ZNF33B: variants seen among roughly 807,000 people sequenced by gnomAD.
ZNF33B encodes the protein zinc finger protein 11b (KOX 2).
Under a neutral mutation model 45.8 loss-of-function variants are expected in ZNF33B, and 29 were observed. That is an observed-to-expected ratio of 0.63 (90% CI 0.47 to 0.86). ZNF33B has a LOEUF of 0.86. Among genes scored for constraint, ZNF33B ranks in the 40% least tolerant of loss-of-function variants. The probability of loss-of-function intolerance (pLI) is 0.00; values close to 1 mark genes in which losing one functional copy is unlikely to be tolerated. For synonymous variants in ZNF33B, 305 were observed against 307.8 expected, an observed-to-expected ratio of 0.99 and a Z score of 0.10; for missense variants, 831 against 909.9, an observed-to-expected ratio of 0.91 and a Z score of 1.12.
intron 2 of ZNF33B, among the ~76,000 whole-genome samples, chr10:42,635,209 C>T (rs1256589767): frequency 1.3e-5 from 2 of 150,132 alleles, no homozygotes; most frequent in African/African-American, 2.5e-5. Flanking sequence ...CCACTGCACT[C>T]TAGCCTGAGT....
intron 1 of ZNF33B, among the ~76,000 whole-genome samples, chr10:42,576,601 A>G (rs1049616931): frequency 3.3e-5 from 5 of 152,132 alleles, no homozygotes; most frequent in African/African-American, 1.2e-4. Flanking sequence ...AGCTTTTCAG[A>G]TGTTACTGTG....
At chr10:42,584,009 G>T (rs898361789) in intron 1 of ZNF33B, among the ~76,000 whole-genome samples, 2 of 152,174 alleles carry the variant, frequency 1.3e-5, no homozygotes, top group African/African-American at 4.8e-5. Context: ...TGCGCAAGCA[G>T]CTCTGCGCAC....
At position 42,593,326 on chromosome 10, in the gene ZNF33B, T is replaced by C. The variant is rs542254932; in HGVS notation, c.1624A>G (p.Ile542Val). The part of the protein sequence containing the change: ...KTFCLKSDLT[I>V]HQRTHTGEKP... ...TCCCCTGTGTGCGTTCTCTGATGTA[T>C]TGTGAGGTCTGACTTCAAGCAGAAG... The change falls in exon 5 of 5, where the codon ATA (isoleucine) becomes GTA (valine). Residue 542 changes from isoleucine (I) to valine (V), a missense_variant. Transcript: ENST00000359467. 3.4e-5 allele frequency: 55 copies of C among 1,613,456 alleles called. 1 individual carries two copies. The highest frequency in any genetic ancestry group is 2.1e-4 in the South Asian group (19 of 91,032).
intron 4 of ZNF33B, among the ~76,000 whole-genome samples, chr10:42,618,148 G>A (rs1378088889): frequency 6.6e-6 from 1 of 152,146 alleles, no homozygotes; most frequent in Non-Finnish European, 1.5e-5. Flanking sequence ...TAAACCAAGC[G>A]TAGGGGGCAG....
At chr10:42,580,223 C>A (rs1285083736) in intron 1 of ZNF33B, among the ~76,000 whole-genome samples, 2 of 151,998 alleles carry the variant, frequency 1.3e-5, no homozygotes, top group Admixed American at 1.3e-4. Context: ...CGTTTCTCAT[C>A]CCATGGTTTT....
chr10:42,631,178 T>C (rs1564527718), intron 4 of ZNF33B, among the ~76,000 whole-genome samples: 1 of 152,132 alleles, frequency 6.6e-6, no homozygotes, highest in Non-Finnish European at 1.5e-5. Flanking sequence ...ATAATATACT[T>C]AGAGACATAA....
chr10:42,631,744 G>A, intron 4 of ZNF33B, 185 bp downstream of exon 4: 2 of 571,616 alleles, frequency 3.5e-6, no homozygotes, highest in South Asian at 2.7e-5. Context: ...ATTCTAAAAG[G>A]AAAAATTTTT....
At chr10:42,581,825 A>C (rs1218898721) in intron 1 of ZNF33B, 5 of 152,340 alleles carry the variant, frequency 3.3e-5, no homozygotes, top group Admixed American at 1.3e-4. Context: ...GATTAAAAGC[A>C]CATTCCTGGC....
intron 4 of ZNF33B, among the ~76,000 whole-genome samples, chr10:42,598,342 C>T (rs1837484057): frequency 6.6e-6 from 1 of 152,242 alleles, no homozygotes; most frequent in Non-Finnish European, 1.5e-5. Context: ...CAGCCTCACG[C>T]TGTGGGTCCT....
intron 4 of ZNF33B, among the ~76,000 whole-genome samples, chr10:42,614,951 TC>T (rs2132107161): frequency 6.7e-6 from 1 of 149,538 alleles, no homozygotes; most frequent in East Asian, 2.0e-4. Flanking sequence ...AGATTCCATC[TC>T]AAAAAGAAAA....
downstream of ZNF33B, among the ~76,000 whole-genome samples, chr10:42,584,384 A>G (rs1221374555): frequency 6.6e-6 from 1 of 152,132 alleles, no homozygotes; most frequent in Admixed American, 6.5e-5. Context: ...CACCTTAGGC[A>G]ATGGTGGCCA....
intron 4 of ZNF33B, among the ~76,000 whole-genome samples, chr10:42,599,083 GTTCAT>G (rs1363481839): frequency 6.6e-6 from 1 of 152,098 alleles, no homozygotes; most frequent in Non-Finnish European, 1.5e-5. Context: ...GAATGAAACT[GTTCAT>G]TTCATCAAAA....
At chr10:42,621,462 A>G (rs1838586329) in intron 4 of ZNF33B, among the ~76,000 whole-genome samples, 1 of 152,180 alleles carries the variant, frequency 6.6e-6, no homozygotes, top group Admixed American at 6.5e-5. Flanking sequence ...TATTAAGAGG[A>G]GTATACACCA....
intron 4 of ZNF33B, among the ~76,000 whole-genome samples, chr10:42,613,356 T>G (rs1838179574): frequency 1.3e-5 from 2 of 152,046 alleles, no homozygotes; most frequent in Non-Finnish European, 2.9e-5. Flanking sequence ...GTGACCAGCC[T>G]GTACAACATG....
chr10:42,632,070 T>G, intron 3 of ZNF33B, 46 bp from the exon 4 acceptor site: 6 of 1,589,064 alleles, frequency 3.8e-6, no homozygotes, highest in Non-Finnish European at 5.2e-6. Flanking sequence ...CAGTCTAGAC[T>G]TCAGGCCTTT....
chr10:42,629,562 A>C (rs1035671721), intron 4 of ZNF33B, among the ~76,000 whole-genome samples: 4 of 152,206 alleles, frequency 2.6e-5, no homozygotes, highest in Non-Finnish European at 5.9e-5. Flanking sequence ...CCTGTACCCC[A>C]AAAATAAATA....
downstream of ZNF33B, among the ~76,000 whole-genome samples, chr10:42,587,929 C>T (rs1354407040): frequency 6.6e-6 from 1 of 152,162 alleles, no homozygotes; most frequent in African/African-American, 2.4e-5. Context: ...AGGTACTACC[C>T]CTCCTGAATG....
At position 42,622,017 on chromosome 10, in the gene ZNF33B, C is replaced by T. The variant is rs536335705; in HGVS notation, c.250+9912G>A. On this transcript the variant is annotated intron_variant, in intron 4 of 4. Transcript: ENST00000359467. ...CAGGATACATCAACACACAAAAATC[C>T]GTTGTGTTGCTACACACCTGCAAAG... 3.9e-5 allele frequency among the ~76,000 whole-genome samples: 6 copies of T among 152,212 alleles called. No individual in the cohort carries two copies. In the South Asian group the frequency reaches 1.0e-3, roughly 26 times the overall value.
chr10:42,603,582 C>A lies in ZNF33B; in HGVS notation c.251-8883G>T, dbSNP rs185150336. ...TTTATGTTTTCTAGGAGGTGACTTT[C>A]AGAATGGCAACATAAAAAGCAAACT... On this transcript the variant is annotated intron_variant, in intron 4 of 4. Transcript: ENST00000359467. 8.3e-4 allele frequency among the ~76,000 whole-genome samples: 126 copies of A among 152,308 alleles called. 1 individual carries two copies. In the Middle Eastern group the frequency reaches 0.024, roughly 29 times the overall value.
Sources: allele counts gnomAD v4.1 joint callset (sites outside exome capture counted in the v4.1 genomes callset), GRCh38; gene constraint gnomAD v4.1.1; transcripts MANE v1.5; gene names NCBI Gene and HGNC (gene_info 2026-07-23, HGNC 2026-07-21).